Variants in SRPK2 observed in about 807,000 individuals in gnomAD.
The protein encoded by SRPK2 is SFRS protein kinase 2.
In SRPK2, 21 loss-of-function variants were observed where a neutral mutation model predicts 90.8. The observed-to-expected ratio is 0.23, with a 90% CI of 0.16 to 0.33. The LOEUF (loss-of-function observed/expected upper bound fraction) is 0.33. Ranked by LOEUF, SRPK2 falls within the 10% of genes least tolerant of loss-of-function variation. SRPK2 has a pLI of 1.00. For missense variants in SRPK2, 620 were observed against 869.0 expected (o/e 0.71, Z 3.60); for synonymous variants, 288 against 311.1 (o/e 0.93, Z 0.78).
intron 2 of SRPK2, among the ~76,000 whole-genome samples, chr7:105,299,546 C>T (rs1029066608): frequency 3.3e-5 from 5 of 152,186 alleles, no homozygotes; most frequent in African/African-American, 7.2e-5. Flanking sequence ...AGAGATATAA[C>T]GGTCCCATCA....
chr7:105,309,854 C>G (rs948886422), intron 2 of SRPK2, among the ~76,000 whole-genome samples: 1 of 152,216 alleles, frequency 6.6e-6, no homozygotes, highest in African/African-American at 2.4e-5. Context: ...CTGGGCCACA[C>G]ACTCTGTTAC....
At chr7:105,324,561 T>C (rs1813345453) in intron 2 of SRPK2, among the ~76,000 whole-genome samples, 1 of 152,238 alleles carries the variant, frequency 6.6e-6, no homozygotes, top group Non-Finnish European at 1.5e-5. Flanking sequence ...CATAGAATGC[T>C]GAGGACTGTT....
At chr7:105,209,965 A>G (rs1796659235) in intron 2 of SRPK2, among the ~76,000 whole-genome samples, 1 of 152,214 alleles carries the variant, frequency 6.6e-6, no homozygotes, top group Non-Finnish European at 1.5e-5. Context: ...TAAAATTATC[A>G]TCATGCTATG....
At chr7:105,261,409 T>G (rs1804264806) in intron 2 of SRPK2, among the ~76,000 whole-genome samples, 1 of 151,768 alleles carries the variant, frequency 6.6e-6, no homozygotes, top group South Asian at 2.1e-4. Flanking sequence ...TAGTCCCAGC[T>G]ACTCAGGAGG....
At chr7:105,325,160 AC>A (rs1381878128) in intron 2 of SRPK2, among the ~76,000 whole-genome samples, 2 of 152,226 alleles carry the variant, frequency 1.3e-5, no homozygotes, top group Non-Finnish European at 2.9e-5. Context: ...AATGAAGAAA[AC>A]ATTTAACAAA....
chr7:105,299,663 C>G (rs1467175556), intron 2 of SRPK2, among the ~76,000 whole-genome samples: 1 of 152,136 alleles, frequency 6.6e-6, no homozygotes, highest in African/African-American at 2.4e-5. Flanking sequence ...GAGGCTATGG[C>G]AGGCAGACCA....
chr7:105,121,409 A>T (rs555819286), intron 15 of SRPK2, among the ~76,000 whole-genome samples: 35 of 151,922 alleles, frequency 2.3e-4, no homozygotes, highest in Non-Finnish European at 3.2e-4. Flanking sequence ...AAAATATATG[A>T]AGATGTGTTT....
intron 3 of SRPK2, among the ~76,000 whole-genome samples, chr7:105,174,342 C>A (rs749364265): frequency 2.6e-5 from 4 of 152,086 alleles, no homozygotes; most frequent in Non-Finnish European, 4.4e-5. Context: ...AAAATAGATT[C>A]TATTTATGGA....
chr7:105,335,356 C>T (rs1814969665), intron 2 of SRPK2, among the ~76,000 whole-genome samples: 1 of 152,078 alleles, frequency 6.6e-6, no homozygotes, highest in Admixed American at 6.6e-5. Flanking sequence ...AAAATCAACT[C>T]ATAGCTTTAA....
At chr7:105,212,307 G>A (rs1247067149) in intron 2 of SRPK2, among the ~76,000 whole-genome samples, 2 of 152,188 alleles carry the variant, frequency 1.3e-5, no homozygotes, top group Non-Finnish European at 2.9e-5. Context: ...GCACTGAGGG[G>A]TGTACAGTCT....
chr7:105,357,302 G>A (rs1359201140), intron 2 of SRPK2, among the ~76,000 whole-genome samples: 1 of 152,178 alleles, frequency 6.6e-6, no homozygotes, highest in African/African-American at 2.4e-5. Context: ...GCCTCCCAAA[G>A]TGCTGCGATT....
intron 2 of SRPK2, among the ~76,000 whole-genome samples, chr7:105,305,404 CCACA>C (rs1030276976): frequency 6.9e-6 from 1 of 144,264 alleles, no homozygotes; most frequent in Non-Finnish European, 1.5e-5. Flanking sequence ...CGAGACTGTG[CCACA>C]CAGTCTCGCA....
chr7:105,180,706 C>T (rs542879872), intron 3 of SRPK2, among the ~76,000 whole-genome samples: 1 of 152,196 alleles, frequency 6.6e-6, no homozygotes, highest in East Asian at 1.9e-4. Context: ...TGCAGTGAGC[C>T]GAGATGGTGC....
intron 2 of SRPK2, among the ~76,000 whole-genome samples, chr7:105,379,897 G>T (rs1229455164): frequency 6.6e-6 from 1 of 152,164 alleles, no homozygotes; most frequent in Non-Finnish European, 1.5e-5. Context: ...AGAATGGCTT[G>T]AATCGGGGAA....
At chr7:105,342,124 G>A (rs1358203240) in intron 2 of SRPK2, among the ~76,000 whole-genome samples, 1 of 150,616 alleles carries the variant, frequency 6.6e-6, no homozygotes, top group Non-Finnish European at 1.5e-5. Context: ...AATTAGCTGG[G>A]CATGGTGGCA....
chr7:105,326,232 A>C (rs775057230), intron 2 of SRPK2, among the ~76,000 whole-genome samples: 1 of 152,166 alleles, frequency 6.6e-6, no homozygotes, highest in Non-Finnish European at 1.5e-5. Context: ...CAACCCACCA[A>C]CTAGACTATT....
chr7:105,376,847 CCTTTT>C (rs1563307723), intron 2 of SRPK2, among the ~76,000 whole-genome samples: 1 of 97,430 alleles, frequency 1.0e-5, no homozygotes, highest in African/African-American at 3.9e-5. Context: ...CCCCCACCCC[CCTTTT>C]TTTTTTAATA....
intron 2 of SRPK2, among the ~76,000 whole-genome samples, chr7:105,365,081 T>C (rs1313857696): frequency 2.0e-5 from 3 of 152,172 alleles, no homozygotes; most frequent in Non-Finnish European, 4.4e-5. Context: ...AGCCCATCCC[T>C]TCCTGCCTTA....
chr7:105,275,214 C>A (rs1338362800), intron 2 of SRPK2, among the ~76,000 whole-genome samples: 2 of 152,152 alleles, frequency 1.3e-5, no homozygotes, highest in Non-Finnish European at 2.9e-5. Flanking sequence ...TGGAGAGCAG[C>A]AGGACCTAGA....
Sources: allele counts gnomAD v4.1 joint callset (sites outside exome capture counted in the v4.1 genomes callset), GRCh38; gene constraint gnomAD v4.1.1; transcripts MANE v1.5; gene names NCBI Gene and HGNC (gene_info 2026-07-23, HGNC 2026-07-21).